PTPRM: variants seen among roughly 807,000 people sequenced by gnomAD.
PTPRM encodes the protein receptor-type tyrosine-protein phosphatase mu.
A neutral mutation model predicts 186.7 loss-of-function variants in PTPRM; 47 were observed. The ratio of observed to expected loss-of-function variants is 0.25; its 90% CI spans 0.20 to 0.32. The LOEUF (loss-of-function observed/expected upper bound fraction) is 0.32. Among genes scored for constraint, PTPRM ranks in the 10% least tolerant of loss-of-function variants. PTPRM has a pLI of 1.00. For missense variants in PTPRM, 1,494 were observed against 1,865.0 expected (o/e 0.80, Z 3.66); for synonymous variants, 668 against 674.9 (o/e 0.99, Z 0.16).
At chr18:8,173,493 GC>G (rs1454680054) in intron 14 of PTPRM, among the ~76,000 whole-genome samples, 3 of 152,218 alleles carry the variant, frequency 2.0e-5, no homozygotes, top group Non-Finnish European at 4.4e-5. Flanking sequence ...ACTCGTAACT[GC>G]CCAGTGGGTT....
At chr18:7,628,885 A>T (rs1021363049) in intron 1 of PTPRM, among the ~76,000 whole-genome samples, 2 of 152,206 alleles carry the variant, frequency 1.3e-5, no homozygotes, top group Non-Finnish European at 2.9e-5. Flanking sequence ...AGAAGGCACT[A>T]TTACTATCCC....
At chr18:8,268,370 A>G (rs781628592) in intron 19 of PTPRM, among the ~76,000 whole-genome samples, 2 of 152,178 alleles carry the variant, frequency 1.3e-5, no homozygotes, top group African/African-American at 4.8e-5. Context: ...CTAGAAACGT[A>G]CAACTTATTC....
chr18:8,165,724 T>G (rs1336560770), intron 14 of PTPRM, among the ~76,000 whole-genome samples: 2 of 152,164 alleles, frequency 1.3e-5, no homozygotes, highest in Non-Finnish European at 2.9e-5. Context: ...TTGATCTTCT[T>G]TACTAGTAAC....
intron 14 of PTPRM, among the ~76,000 whole-genome samples, chr18:8,220,333 C>G (rs576998796): frequency 1.3e-5 from 2 of 152,174 alleles, no homozygotes; most frequent in Non-Finnish European, 2.9e-5. Flanking sequence ...AGCATGCAGA[C>G]ATTACATAAT....
At chr18:8,225,886 C>T (rs141156005) in intron 14 of PTPRM, among the ~76,000 whole-genome samples, 25 of 152,212 alleles carry the variant, frequency 1.6e-4, no homozygotes, top group African/African-American at 6.0e-4. Context: ...ATTTCTAATA[C>T]TTATATGTCA....
chr18:8,325,107 C>A (rs1287331606), intron 22 of PTPRM, among the ~76,000 whole-genome samples: 1 of 152,222 alleles, frequency 6.6e-6, no homozygotes, highest in Non-Finnish European at 1.5e-5. Flanking sequence ...TACTTAACAT[C>A]TCTGTGCTCA....
chr18:7,920,961 A>G (rs767932879), intron 4 of PTPRM, among the ~76,000 whole-genome samples: 1 of 152,174 alleles, frequency 6.6e-6, no homozygotes, highest in Non-Finnish European at 1.5e-5. Context: ...CTGTTGCCAT[A>G]TGAACCCTGA....
At chr18:7,831,671 C>T (rs993072725) in intron 2 of PTPRM, among the ~76,000 whole-genome samples, 5 of 152,116 alleles carry the variant, frequency 3.3e-5, no homozygotes, top group African/African-American at 1.2e-4. Flanking sequence ...TTACTATTGA[C>T]TGTAGTCACA....
intron 7 of PTPRM, among the ~76,000 whole-genome samples, chr18:7,974,324 A>G (rs1318609212): frequency 6.6e-6 from 1 of 152,214 alleles, no homozygotes; most frequent in Admixed American, 6.5e-5. Flanking sequence ...CCTCCTGGAC[A>G]CAGCTTTCTA....
intron 14 of PTPRM, among the ~76,000 whole-genome samples, chr18:8,216,223 C>G (rs138497624): frequency 6.6e-6 from 1 of 151,994 alleles, no homozygotes; most frequent in African/African-American, 2.4e-5. Context: ...AACGTTTTTC[C>G]AACAAGATTG....
intron 14 of PTPRM, among the ~76,000 whole-genome samples, chr18:8,166,371 T>C (rs2093324629): frequency 6.6e-6 from 1 of 152,172 alleles, no homozygotes; most frequent in African/African-American, 2.4e-5. Context: ...GCCCAGAGCA[T>C]AGAATTTTGC....
rs146302287 is a variant in PTPRM at position 7,807,152 on chromosome 18, G to A, written c.196+32881G>A. 4.7e-3 allele frequency among the ~76,000 whole-genome samples: 715 copies of A among 152,244 alleles called. 4 individuals are homozygous for A. Among genetic ancestry groups the A allele is most frequent in the African/African-American group, 8.9e-3 (371 of 41,542 alleles). On this transcript the variant is annotated intron_variant, in intron 2 of 32. Coordinates refer to ENST00000580170, the MANE Select transcript of PTPRM (RefSeq NM_001105244.2). ...CCTGGGTCTGCTTCCAAGTGTTCAC[G>A]CTTTTTCACGGATTTCAGTTTTCAA...
At position 8,295,121 on chromosome 18, in the gene PTPRM, A is replaced by T. The variant is rs140337513; in HGVS notation, c.2755-1247A>T. 2.0e-5 allele frequency among the ~76,000 whole-genome samples: 3 copies of T among 152,330 alleles called. No homozygotes were observed. In the East Asian group the frequency reaches 5.8e-4, roughly 29 times the overall value. On this transcript the variant is annotated intron_variant, in intron 19 of 32. Transcript: ENST00000580170. The stretch of plus-strand genomic sequence containing the variant: ...GAGACAGACACAGAAACAACAGAGG[A>T]TGCCAGGCACTGTCCACTTAGTGGT...
rs192212562 is a variant in PTPRM, at chr18:8,230,854, T to C, written c.2301-13204T>C. On this transcript the variant is annotated intron_variant, in intron 14 of 32. Coordinates refer to ENST00000580170, the MANE Select transcript of PTPRM (RefSeq NM_001105244.2). ...CCATCTTTAATGTGACAACCTCTTA[T>C]TCATTCTGGTTTATTTAAGTGGATC... Among the ~76,000 whole-genome samples, 91 of 152,350 alleles carry C rather than the reference T, an allele frequency of 6.0e-4. 1 individual carries two copies. Among genetic ancestry groups the C allele is most frequent in the South Asian group, 5.2e-3 (25 of 4,826 alleles).
In PTPRM at chr18:7,771,397, G is replaced by A. The variant is rs535915460; in HGVS notation, c.74-2752G>A. 1.7e-3 allele frequency among the ~76,000 whole-genome samples: 257 copies of A among 152,238 alleles called. 1 individual carries two copies. The highest frequency in any genetic ancestry group is 5.6e-3 in the African/African-American group (231 of 41,538). On this transcript the variant is annotated intron_variant, in intron 1 of 32. Coordinates refer to ENST00000580170, the MANE Select transcript of PTPRM (RefSeq NM_001105244.2). ...TTGCAACCGAGAGACAATACTTCTCGTAAATGTTTGCAGTCTTCTAACATT... is the reference window on the plus strand; with the variant it reads ...TTGCAACCGAGAGACAATACTTCTCATAAATGTTTGCAGTCTTCTAACATT...
intron 21 of PTPRM, 69 bp from the exon 22 acceptor site, chr18:8,319,109 T>C (rs959513128): frequency 5.9e-5 from 65 of 1,097,502 alleles, no homozygotes; most frequent in Middle Eastern, 2.0e-4. Flanking sequence ...TTCAGCAAAG[T>C]TAGCATGCGA....
chr18:8,213,755 T>C (rs2146987424), intron 14 of PTPRM, among the ~76,000 whole-genome samples: 1 of 152,266 alleles, frequency 6.6e-6, no homozygotes, highest in East Asian at 1.9e-4. Context: ...CACTACTGGG[T>C]ATGTAACCAA....
chr18:8,127,940 C>T (rs117850655), intron 13 of PTPRM, among the ~76,000 whole-genome samples: 1 of 152,056 alleles, frequency 6.6e-6, no homozygotes, highest in African/African-American at 2.4e-5. Context: ...AATAAATGCT[C>T]CACTTCCATA....
At chr18:8,146,845 G>T (rs2092898970) in intron 14 of PTPRM, among the ~76,000 whole-genome samples, 1 of 152,108 alleles carries the variant, frequency 6.6e-6, no homozygotes, top group Non-Finnish European at 1.5e-5. Flanking sequence ...TGTAAGGAAG[G>T]GGTCCAGTTT....
Sources: gnomAD v4.1 joint callset for allele counts (sites outside exome capture counted in the v4.1 genomes callset) on GRCh38, gnomAD v4.1.1 for gene constraint, MANE v1.5 for transcripts, NCBI Gene and HGNC (gene_info 2026-07-23, HGNC 2026-07-21) for gene names.